Variants in NRXN3 observed in about 807,000 individuals in gnomAD.
The protein encoded by NRXN3 is neurexin 3.
A neutral mutation model predicts 137.6 loss-of-function variants in NRXN3; 32 were observed. The observed-to-expected ratio is 0.23, with a 90% CI of 0.18 to 0.31. The LOEUF (loss-of-function observed/expected upper bound fraction) is 0.31, where lower values mean the gene tolerates loss of function less well. Among genes scored for constraint, NRXN3 ranks in the 10% least tolerant of loss-of-function variants. The pLI is 1.00. For missense variants in NRXN3, 1,574 were observed against 2,062.5 expected, an observed-to-expected ratio of 0.76 and a Z score of 4.59; for synonymous variants, 798 against 784.5, an observed-to-expected ratio of 1.02 and a Z score of -0.29.
At chr14:78,384,869 T>A (rs1270709903) in intron 4 of NRXN3, among the ~76,000 whole-genome samples, 2 of 152,204 alleles carry the variant, frequency 1.3e-5, no homozygotes, top group African/African-American at 4.8e-5. Context: ...TCCGTATGTA[T>A]TTTTTGCACC....
chr14:78,733,869 C>A (rs2098528488), intron 8 of NRXN3, among the ~76,000 whole-genome samples: 1 of 152,098 alleles, frequency 6.6e-6, no homozygotes, highest in Non-Finnish European at 1.5e-5. Context: ...CAAAGGCTAG[C>A]CTTCAAGGAG....
At chr14:79,073,215 G>A (rs1489491233) in intron 15 of NRXN3, among the ~76,000 whole-genome samples, 1 of 152,082 alleles carries the variant, frequency 6.6e-6, no homozygotes, top group Non-Finnish European at 1.5e-5. Flanking sequence ...TAAGCTAAAA[G>A]TCATGCTACT....
At chr14:79,014,208 C>T (rs1016287860) in intron 15 of NRXN3, among the ~76,000 whole-genome samples, 3 of 152,102 alleles carry the variant, frequency 2.0e-5, no homozygotes, top group African/African-American at 7.2e-5. Flanking sequence ...TTTTGTTAGC[C>T]AGATAATAAA....
At chr14:78,366,717 CT>C (rs928757648) in intron 4 of NRXN3, among the ~76,000 whole-genome samples, 2 of 152,150 alleles carry the variant, frequency 1.3e-5, no homozygotes, top group Admixed American at 6.5e-5. Context: ...ACTAATAGAT[CT>C]TGTGAGACTT....
chr14:78,218,765 C>G (rs2063539784), intron 1 of NRXN3, among the ~76,000 whole-genome samples: 1 of 152,170 alleles, frequency 6.6e-6, no homozygotes, highest in South Asian at 2.1e-4. Flanking sequence ...GGTACCTAAG[C>G]TGTGAGAGTT....
chr14:79,376,257 TATATATATAC>T lies in NRXN3; in HGVS notation c.3263-90962_3263-90953del, dbSNP rs1379374427. On this transcript the variant is annotated intron_variant, in intron 15 of 20. Coordinates refer to ENST00000335750, the MANE Select transcript of NRXN3 (RefSeq NM_001330195.2). ...ATATATATATATATATATATATATA[TATATATATAC>T]ACATACATATGACTCCAAAAACAAT... Among the ~76,000 whole-genome samples, 240 of 47,620 alleles carry T rather than the reference TATATATATAC, an allele frequency of 5.0e-3. 4 individuals carry two copies. The highest frequency in any genetic ancestry group is 0.011 in the African/African-American group (186 of 16,482). The allele number at this position is 47,620 out of a possible 152,430, so 31.2% of individuals were successfully genotyped here.
At chr14:79,743,707 T>G (rs746661363) in intron 19 of NRXN3, among the ~76,000 whole-genome samples, 2 of 152,178 alleles carry the variant, frequency 1.3e-5, no homozygotes, top group Non-Finnish European at 2.9e-5. Context: ...TCTCTGCTTC[T>G]ATGATGTACT....
chr14:78,687,479 G>T (rs1345600915), intron 6 of NRXN3, among the ~76,000 whole-genome samples: 1 of 152,222 alleles, frequency 6.6e-6, no homozygotes, highest in African/African-American at 2.4e-5. Flanking sequence ...TTGATGAATT[G>T]TACATTGAGT....
chr14:79,717,511 T>G (rs1005992111), intron 19 of NRXN3, among the ~76,000 whole-genome samples: 1 of 152,242 alleles, frequency 6.6e-6, no homozygotes, highest in Non-Finnish European at 1.5e-5. Flanking sequence ...TTTATTTAAT[T>G]ACTTTGCACT....
At chr14:78,713,211 A>C (rs2098417435) in intron 7 of NRXN3, among the ~76,000 whole-genome samples, 1 of 152,138 alleles carries the variant, frequency 6.6e-6, no homozygotes, top group Non-Finnish European at 1.5e-5. Context: ...GTGGGGTTTC[A>C]TCTTCTACAA....
intron 15 of NRXN3, among the ~76,000 whole-genome samples, chr14:79,139,835 T>G (rs1416183669): frequency 6.6e-6 from 1 of 151,678 alleles, no homozygotes; most frequent in African/African-American, 2.4e-5. Flanking sequence ...AACTCCACCT[T>G]TAAAATTAAA....
intron 15 of NRXN3, among the ~76,000 whole-genome samples, chr14:79,297,366 G>A (rs140816164): frequency 4.5e-4 from 69 of 152,176 alleles, no homozygotes; most frequent in Middle Eastern, 3.4e-3. Context: ...AAAAGTACAG[G>A]TATGTCCCAT....
intron 15 of NRXN3, among the ~76,000 whole-genome samples, chr14:79,144,469 A>C (rs1226230352): frequency 1.3e-5 from 2 of 152,224 alleles, no homozygotes; most frequent in African/African-American, 4.8e-5. Flanking sequence ...TCTTAGAAGC[A>C]GAAATCTTAC....
chr14:78,307,167 T>C (rs1015117501), intron 4 of NRXN3, among the ~76,000 whole-genome samples: 10 of 151,754 alleles, frequency 6.6e-5, no homozygotes, highest in African/African-American at 2.4e-4. Flanking sequence ...GTGCAAAGTG[T>C]ATAAAATGCA....
intron 9 of NRXN3, among the ~76,000 whole-genome samples, chr14:78,809,876 C>G (rs1024317673): frequency 2.6e-5 from 4 of 151,836 alleles, no homozygotes; most frequent in Non-Finnish European, 5.9e-5. Context: ...ACTTTAAAAA[C>G]GAATTTTAAG....
chr14:78,387,001 C>G (rs886624603), intron 4 of NRXN3, among the ~76,000 whole-genome samples: 1 of 151,928 alleles, frequency 6.6e-6, no homozygotes, highest in Non-Finnish European at 1.5e-5. Context: ...AGGCTAGTCT[C>G]GATCTCCTGA....
At chr14:78,495,758 C>T (rs1313157236) in intron 4 of NRXN3, among the ~76,000 whole-genome samples, 1 of 152,198 alleles carries the variant, frequency 6.6e-6, no homozygotes, top group Non-Finnish European at 1.5e-5. Context: ...AACATCACCA[C>T]ATACCAGTTA....
intron 1 of NRXN3, among the ~76,000 whole-genome samples, chr14:78,228,501 A>G (rs1292660177): frequency 1.3e-5 from 2 of 152,182 alleles, no homozygotes; most frequent in Non-Finnish European, 2.9e-5. Flanking sequence ...GAAAAATAGT[A>G]ATGATGATAA....
intron 15 of NRXN3, among the ~76,000 whole-genome samples, chr14:79,386,784 C>T (rs1361032161): frequency 1.3e-5 from 2 of 152,114 alleles, no homozygotes; most frequent in Non-Finnish European, 2.9e-5. Flanking sequence ...ACAGAGCCCT[C>T]AGAAATAATG....
Sources: allele counts gnomAD v4.1 joint callset (sites outside exome capture counted in the v4.1 genomes callset), GRCh38; gene constraint gnomAD v4.1.1; transcripts MANE v1.5; gene names NCBI Gene and HGNC (gene_info 2026-07-23, HGNC 2026-07-21).